The following PPM1L variants were observed in gnomAD, a reference collection of about 807,000 sequenced individuals.
PPM1L encodes the protein protein phosphatase 1L.
Under a neutral mutation model 31.4 loss-of-function variants are expected in PPM1L, and 13 were observed. The ratio of observed to expected loss-of-function variants is 0.41; its 90% confidence interval spans 0.27 to 0.66. PPM1L has a LOEUF of 0.66. Among genes scored for constraint, PPM1L ranks in the 30% least tolerant of loss-of-function variants. The probability of loss-of-function intolerance (pLI) is 0.29; values close to 1 mark genes in which losing one functional copy is unlikely to be tolerated. For synonymous variants in PPM1L, 184 were observed against 175.4 expected, an observed-to-expected ratio of 1.05 and a Z score of -0.39; for missense variants, 326 against 453.7, an observed-to-expected ratio of 0.72 and a Z score of 2.56.
chr3:160,917,065 C>G (rs563719277), intron 1 of PPM1L, among the ~76,000 whole-genome samples: 2 of 152,292 alleles, frequency 1.3e-5, no homozygotes, highest in South Asian at 4.1e-4. Context: ...TGCTGGAGGA[C>G]AAGAGAGGGA....
Position 160,770,836 on chromosome 3 carries a change from A to C in PPM1L, c.399+14129A>C, listed in dbSNP as rs1324920450. ...TTATTTTTTCTAGGATTTCCTGTGC[A>C]TAAGATCCTTGCCCTAGTTTCTACT... On this transcript the variant is annotated intron_variant, in intron 1 of 3. Transcript: ENST00000498165. Among the ~76,000 whole-genome samples the C allele has an allele frequency of 2.0e-5, 3 of 152,174 alleles. No homozygotes were observed. The East Asian group carries it at 5.8e-4, about 29-fold the overall frequency.
chr3:161,023,512 C>A (rs138757855), intron 2 of PPM1L, among the ~76,000 whole-genome samples: 19 of 152,124 alleles, frequency 1.2e-4, no homozygotes, highest in Admixed American at 1.2e-3. Flanking sequence ...CTCCTCATAT[C>A]GGCTGTAAAA....
At chr3:161,013,236 T>A (rs576634705) in intron 2 of PPM1L, among the ~76,000 whole-genome samples, 31 of 152,358 alleles carry the variant, frequency 2.0e-4, no homozygotes, top group African/African-American at 7.5e-4. Flanking sequence ...TTTGTTCTCA[T>A]TGGTTTCAAA....
At chr3:160,949,761 C>T (rs1189787368) in intron 1 of PPM1L, among the ~76,000 whole-genome samples, 1 of 152,158 alleles carries the variant, frequency 6.6e-6, no homozygotes, top group East Asian at 1.9e-4. Flanking sequence ...TAGATAGAGA[C>T]ACTTTGAAGT....
chr3:160,800,194 T>C (rs1712381864), intron 1 of PPM1L, among the ~76,000 whole-genome samples: 1 of 152,250 alleles, frequency 6.6e-6, no homozygotes, highest in South Asian at 2.1e-4. Context: ...TTTTAGCCTT[T>C]AGTGTTTCAT....
chr3:160,781,647 G>C (rs1271944553), intron 1 of PPM1L, among the ~76,000 whole-genome samples: 1 of 152,180 alleles, frequency 6.6e-6, no homozygotes, highest in African/African-American at 2.4e-5. Flanking sequence ...AGATGATTAG[G>C]CTGAAGGACC....
At chr3:160,919,131 T>C (rs1714299001) in intron 1 of PPM1L, among the ~76,000 whole-genome samples, 2 of 152,220 alleles carry the variant, frequency 1.3e-5, no homozygotes, top group Admixed American at 6.5e-5. Flanking sequence ...TTAATATTAT[T>C]TAGTTTTAGA....
chr3:160,921,164 A>G (rs1714389031), intron 1 of PPM1L, among the ~76,000 whole-genome samples: 1 of 152,182 alleles, frequency 6.6e-6, no homozygotes, highest in Non-Finnish European at 1.5e-5. Context: ...AAAAATTAGT[A>G]TTTAATCTTT....
At chr3:160,821,314 T>C (rs1374981428) in intron 1 of PPM1L, among the ~76,000 whole-genome samples, 1 of 152,098 alleles carries the variant, frequency 6.6e-6, no homozygotes, top group African/African-American at 2.4e-5. Context: ...TGCTCTTTGA[T>C]GACTGTCAGT....
chr3:160,832,846 T>C (rs139713515), intron 1 of PPM1L, among the ~76,000 whole-genome samples: 1,529 of 152,288 alleles, frequency 0.01, 20 homozygotes, highest in African/African-American at 0.035. Flanking sequence ...GATGGTTTGC[T>C]GCACCTATCA....
chr3:160,905,903 AT>A (rs951379747), intron 1 of PPM1L, among the ~76,000 whole-genome samples: 8 of 152,058 alleles, frequency 5.3e-5, no homozygotes, highest in African/African-American at 1.4e-4. Context: ...AATGCTTTAC[AT>A]TTTAATTGCT....
At chr3:160,767,254 T>C (rs528558570) in intron 1 of PPM1L, among the ~76,000 whole-genome samples, 1 of 151,160 alleles carries the variant, frequency 6.6e-6, no homozygotes, top group African/African-American at 2.4e-5. Flanking sequence ...TTTTTTTTGA[T>C]ATAGGATATT....
chr3:160,901,063 TC>T (rs1179563917), intron 1 of PPM1L, among the ~76,000 whole-genome samples: 1 of 152,164 alleles, frequency 6.6e-6, no homozygotes, highest in Non-Finnish European at 1.5e-5. Context: ...TGTTAGGCTA[TC>T]CCAGGGCTCG....
At chr3:160,889,526 A>G (rs1032213557) in intron 1 of PPM1L, among the ~76,000 whole-genome samples, 1 of 152,208 alleles carries the variant, frequency 6.6e-6, no homozygotes, top group African/African-American at 2.4e-5. Context: ...ACCAACCAAA[A>G]AAAGCCCAGG....
At chr3:161,047,714 G>C (rs1719130167) in intron 2 of PPM1L, among the ~76,000 whole-genome samples, 1 of 152,160 alleles carries the variant, frequency 6.6e-6, no homozygotes, top group East Asian at 1.9e-4. Context: ...AACCAAAACA[G>C]CCTGGTATTG....
intron 1 of PPM1L, among the ~76,000 whole-genome samples, chr3:160,948,353 T>C (rs1715474670): frequency 6.6e-6 from 1 of 152,162 alleles, no homozygotes; most frequent in Non-Finnish European, 1.5e-5. Flanking sequence ...TTTCAAACCT[T>C]GTTTGCATAG....
intron 1 of PPM1L, among the ~76,000 whole-genome samples, chr3:160,786,907 G>C (rs1466568314): frequency 6.6e-6 from 1 of 152,128 alleles, no homozygotes; most frequent in Non-Finnish European, 1.5e-5. Context: ...CTGGATTCAT[G>C]TTGCCGCAAA....
chr3:160,779,711 T>C (rs1156728255), intron 1 of PPM1L, among the ~76,000 whole-genome samples: 5 of 151,766 alleles, frequency 3.3e-5, no homozygotes, highest in Non-Finnish European at 7.4e-5. Flanking sequence ...TTTTTTTTTT[T>C]AGTAGAGACG....
chr3:160,927,460 A>G (rs937331132), intron 1 of PPM1L, among the ~76,000 whole-genome samples: 1 of 151,598 alleles, frequency 6.6e-6, no homozygotes, highest in African/African-American at 2.4e-5. Flanking sequence ...TTCTTCCTTT[A>G]CTTTATAGCT....
Sources: allele counts gnomAD v4.1 joint callset (sites outside exome capture counted in the v4.1 genomes callset), GRCh38; gene constraint gnomAD v4.1.1; transcripts MANE v1.5; gene names NCBI Gene and HGNC (gene_info 2026-07-23, HGNC 2026-07-21).